Variants in NCKAP1 observed in about 807,000 individuals in gnomAD.
NCKAP1 encodes nck-associated protein 1.
Under a neutral mutation model 151.2 loss-of-function variants are expected in NCKAP1, and 21 were observed. The ratio of observed to expected loss-of-function variants is 0.14; its 90% confidence interval spans 0.10 to 0.20. The LOEUF (loss-of-function observed/expected upper bound fraction) is 0.20. Ranked by LOEUF, NCKAP1 falls within the 10% of genes least tolerant of loss-of-function variation. The pLI is 1.00. For synonymous variants in NCKAP1, 484 were observed against 451.8 expected, an observed-to-expected ratio of 1.07 and a Z score of -0.90; for missense variants, 933 against 1,352.1, an observed-to-expected ratio of 0.69 and a Z score of 4.86.
intron 2 of NCKAP1, among the ~76,000 whole-genome samples, chr2:183,006,486 G>A (rs1197891384): frequency 2.0e-5 from 3 of 152,126 alleles, no homozygotes; most frequent in African/African-American, 7.2e-5. Context: ...GTCAGGCATC[G>A]ATTGTTCCAA....
intron 1 of NCKAP1, chr2:183,025,111 G>T (rs1698870739): frequency 1.1e-6 from 1 of 911,386 alleles, no homozygotes; most frequent in African/African-American, 1.7e-5. Context: ...AACAGAACAA[G>T]ATTAGAATTA....
chr2:182,995,254 A>G (rs1043522263), intron 7 of NCKAP1, among the ~76,000 whole-genome samples: 5 of 152,186 alleles, frequency 3.3e-5, no homozygotes, highest in African/African-American at 1.2e-4. Context: ...GTGTCTGAAT[A>G]CTCACTGTCT....
rs1486267510 is a variant in NCKAP1, at chr2:182,954,816, T to TA, written c.2154-1486dup. 2.0e-5 allele frequency among the ~76,000 whole-genome samples: 3 copies of TA among 151,548 alleles called. No homozygotes were observed. In the South Asian group the frequency reaches 6.2e-4, roughly 32 times the overall value. ...AAATAAATAAATAAATTAAATAAAATAAAAAATCTTTCCAAGGTAAACAAG... is the reference window on the plus strand; with the variant it reads ...AAATAAATAAATAAATTAAATAAAATAAAAAAATCTTTCCAAGGTAAACAAG... On this transcript the variant is annotated intron_variant, in intron 20 of 30. Coordinates refer to ENST00000361354, the MANE Select transcript of NCKAP1 (RefSeq NM_013436.5).
At chr2:182,933,828 T>C (rs1172950162) in intron 26 of NCKAP1, among the ~76,000 whole-genome samples, 2 of 152,106 alleles carry the variant, frequency 1.3e-5, no homozygotes, top group African/African-American at 4.8e-5. Context: ...CTCTAAGAAA[T>C]GTGTCAGCTT....
intron 19 of NCKAP1, 53 bp from the exon 20 acceptor site, chr2:182,956,646 C>G (rs1466657697): frequency 2.6e-6 from 4 of 1,518,186 alleles, no homozygotes; most frequent in Non-Finnish European, 2.7e-6. Context: ...ACAGGCAATA[C>G]AAAATTAATT....
intron 15 of NCKAP1, 124 bp from the exon 16 acceptor site, chr2:182,967,485 C>G: frequency 1.2e-6 from 1 of 847,708 alleles, no homozygotes; most frequent in Non-Finnish European, 1.9e-6. Context: ...CTGACAGTAA[C>G]ATCTACTGTG....
At chr2:183,035,493 T>C (rs1037384641) in intron 1 of NCKAP1, among the ~76,000 whole-genome samples, 1 of 152,170 alleles carries the variant, frequency 6.6e-6, no homozygotes, top group Non-Finnish European at 1.5e-5. Context: ...AATGTGATAA[T>C]TGATTGGCAA....
rs80076990 is a variant in NCKAP1 at position 183,029,367 on chromosome 2, C to T, written c.109-5451G>A. ...TCTACCACAAACCCCCATACTGAGG[C>T]CTTTCCTCAAGCTATTACAGCATAG... is the stretch of plus-strand genomic sequence containing the variant. On this transcript the variant is annotated intron_variant, in intron 1 of 30. Transcript: ENST00000361354. Among the ~76,000 whole-genome samples the T allele has an allele frequency of 2.2e-3, 342 of 152,148 alleles. 2 individuals are homozygous for T. The highest frequency in any genetic ancestry group is 7.9e-3 in the African/African-American group (327 of 41,512).
At chr2:182,951,242 T>C (rs191254717) in intron 23 of NCKAP1, among the ~76,000 whole-genome samples, 6 of 152,306 alleles carry the variant, frequency 3.9e-5, no homozygotes, top group Admixed American at 2.6e-4. Context: ...CAAAATACTA[T>C]TAAGTTTGTG....
chr2:183,030,943 C>G (rs1698993723), intron 1 of NCKAP1, among the ~76,000 whole-genome samples: 1 of 152,132 alleles, frequency 6.6e-6, no homozygotes, highest in African/African-American at 2.4e-5. Context: ...GCCAACCGAT[C>G]TGCTTTAAGT....
intron 1 of NCKAP1, among the ~76,000 whole-genome samples, chr2:183,027,435 A>C (rs1698919433): frequency 6.6e-6 from 1 of 152,240 alleles, no homozygotes; most frequent in Admixed American, 6.5e-5. Flanking sequence ...TAATAACAAG[A>C]GAGACACTTG....
At chr2:182,960,904 T>A (rs1697433990) in intron 18 of NCKAP1, among the ~76,000 whole-genome samples, 1 of 151,942 alleles carries the variant, frequency 6.6e-6, no homozygotes, top group East Asian at 1.9e-4. Flanking sequence ...AACAACCCCA[T>A]CAAAAAGTGG....
chr2:183,001,532 T>A (rs1698374267), intron 6 of NCKAP1, among the ~76,000 whole-genome samples: 3 of 152,212 alleles, frequency 2.0e-5, no homozygotes, highest in African/African-American at 7.2e-5. Context: ...TTAATTCTCA[T>A]AAGAACCATA....
At chr2:182,935,024 T>A (rs997283471) in intron 25 of NCKAP1, among the ~76,000 whole-genome samples, 192 bp from the exon 26 acceptor site, 20 of 152,134 alleles carry the variant, frequency 1.3e-4, no homozygotes, top group Non-Finnish European at 2.5e-4. Flanking sequence ...TTAAAGCCAG[T>A]ATAGTCAAAA....
rs182235220 is a variant in NCKAP1, at chr2:182,918,538, T to A, written c.*7164A>T. On this transcript the variant is annotated 3_prime_UTR_variant, in exon 31 of 31. Coordinates refer to ENST00000361354, the MANE Select transcript of NCKAP1 (RefSeq NM_013436.5). ...AGAAACAATGTCTTTTTGCAGCAAC[T>A]ATGATGGAGCCAGAGGCCATTATTC... is the stretch of plus-strand genomic sequence containing the variant. 4 of 152,168 alleles carry A rather than the reference T, an allele frequency of 2.6e-5. No individual in the cohort carries two copies. The highest frequency in any genetic ancestry group is 9.7e-5 in the African/African-American group (4 of 41,432). 9.4% of individuals were successfully genotyped at this position (152,168 alleles called of 1,614,324 possible).
At chr2:183,015,878 T>C (rs1294442576) in intron 2 of NCKAP1, among the ~76,000 whole-genome samples, 1 of 127,500 alleles carries the variant, frequency 7.8e-6, no homozygotes, top group African/African-American at 2.9e-5. Context: ...GGTGAGGATA[T>C]AAAAAAAAAA....
In NCKAP1 at chr2:182,915,590, C is replaced by T. The variant is rs1344061116; in HGVS notation, c.*10112G>A. On this transcript the variant is annotated 3_prime_UTR_variant, in exon 31 of 31. Transcript: ENST00000361354. ...AAGAACTGCCAGTGCAATCTTGAGA[C>T]TAGATGAGGAGTTACACTGACAGGA... 2.6e-5 allele frequency: 4 copies of T among 152,172 alleles called. No homozygotes were observed. The highest frequency in any genetic ancestry group is 4.4e-5 in the Non-Finnish European group (3 of 68,048). 9.4% of individuals were successfully genotyped at this position (152,172 alleles called of 1,614,324 possible).
intron 1 of NCKAP1, among the ~76,000 whole-genome samples, chr2:183,037,172 T>C (rs374811496): frequency 6.6e-6 from 1 of 152,246 alleles, no homozygotes; most frequent in Admixed American, 6.5e-5. Context: ...AATGGGCCTA[T>C]TAGCTATAGT....
rs1164899397 is a variant in NCKAP1, at chr2:182,962,148, T to C, written c.1881+11A>G. Reference sequence around the variant, plus strand: ...AAATTTCCTATCTGTTGGAAACACTTAAATCATTACCTGGTCACTAAGGGT... The same window carrying C: ...AAATTTCCTATCTGTTGGAAACACTCAAATCATTACCTGGTCACTAAGGGT... On this transcript the variant is annotated intron_variant, in intron 18 of 30. Transcript: ENST00000361354. 9.5e-6 allele frequency: 15 copies of C among 1,582,944 alleles called. No individual in the cohort carries two copies. The highest frequency in any genetic ancestry group is 1.2e-5 in the Non-Finnish European group (14 of 1,165,940).
Sources: allele counts gnomAD v4.1 joint callset (sites outside exome capture counted in the v4.1 genomes callset), GRCh38; gene constraint gnomAD v4.1.1; transcripts MANE v1.5; gene names NCBI Gene and HGNC (gene_info 2026-07-23, HGNC 2026-07-21).